The following ASIC2 variants were observed in gnomAD, a reference collection of about 807,000 sequenced individuals.
ASIC2 encodes the protein acid-sensing ion channel 2.
In ASIC2, 25 loss-of-function variants were observed where a neutral mutation model predicts 57.3. The observed-to-expected ratio is 0.44, with a 90% CI of 0.32 to 0.61. The LOEUF (loss-of-function observed/expected upper bound fraction) is 0.61, where lower values mean the gene tolerates loss of function less well. ASIC2 is among the 20% of genes least tolerant of loss of function. The probability of loss-of-function intolerance (pLI) is 0.06; values close to 1 mark genes in which losing one functional copy is unlikely to be tolerated. For synonymous variants in ASIC2, 319 were observed against 307.5 expected (o/e 1.04, Z -0.39); for missense variants, 641 against 738.1 (o/e 0.87, Z 1.52).
chr17:33,033,012 G>A (rs1464841562), intron 3 of ASIC2, among the ~76,000 whole-genome samples: 1 of 152,086 alleles, frequency 6.6e-6, no homozygotes, highest in African/African-American at 2.4e-5. Flanking sequence ...GCTCATGCCT[G>A]TAATCCCAAC....
At chr17:33,415,267 C>G (rs541564910) in intron 1 of ASIC2, among the ~76,000 whole-genome samples, 1 of 152,148 alleles carries the variant, frequency 6.6e-6, no homozygotes, top group African/African-American at 2.4e-5. Context: ...TGTCGATGCT[C>G]GAATCTAATA....
chr17:33,813,353 G>GAAAAAAC (rs973705846), intron 1 of ASIC2, among the ~76,000 whole-genome samples: 1 of 152,002 alleles, frequency 6.6e-6, no homozygotes, highest in Non-Finnish European at 1.5e-5. Context: ...ACTCAAGGTT[G>GAAAAAAC]AAAAAACAAA....
chr17:33,342,688 G>A (rs1409226276), intron 1 of ASIC2, among the ~76,000 whole-genome samples: 1 of 152,120 alleles, frequency 6.6e-6, no homozygotes. Context: ...GCAAGATATG[G>A]AGGTCACCTT....
intron 1 of ASIC2, among the ~76,000 whole-genome samples, chr17:33,130,618 G>A (rs1202904774): frequency 6.6e-6 from 1 of 152,176 alleles, no homozygotes; most frequent in Admixed American, 6.5e-5. Context: ...AAGAGTCTGG[G>A]ATATTGGAGG....
intron 1 of ASIC2, among the ~76,000 whole-genome samples, chr17:34,051,087 G>A (rs746128244): frequency 3.9e-5 from 6 of 152,178 alleles, no homozygotes; most frequent in Non-Finnish European, 7.3e-5. Context: ...TGCAACTCTT[G>A]GGTGTAGGTT....
chr17:33,457,145 G>T (rs147864195), intron 1 of ASIC2, among the ~76,000 whole-genome samples: 32 of 152,254 alleles, frequency 2.1e-4, no homozygotes, highest in African/African-American at 6.3e-4. Context: ...ACTTAGCACA[G>T]TGCCTGGCAT....
chr17:33,890,721 C>G (rs1914940965), intron 1 of ASIC2, among the ~76,000 whole-genome samples: 1 of 152,220 alleles, frequency 6.6e-6, no homozygotes, highest in Admixed American at 6.5e-5. Flanking sequence ...TCAATTCTCA[C>G]TAAGCCCTCT....
intron 2 of ASIC2, among the ~76,000 whole-genome samples, chr17:33,093,323 G>T (rs924152818): frequency 1.3e-5 from 2 of 151,970 alleles, no homozygotes; most frequent in African/African-American, 4.8e-5. Context: ...CCTCATATTT[G>T]TCTTATTGGC....
At chr17:33,586,889 TA>T (rs1468392526) in intron 1 of ASIC2, among the ~76,000 whole-genome samples, 1 of 152,238 alleles carries the variant, frequency 6.6e-6, no homozygotes, top group African/African-American at 2.4e-5. Flanking sequence ...GAGCAGTATA[TA>T]AGCTTCAGAG....
chr17:34,053,303 G>T (rs1908638313), intron 1 of ASIC2, among the ~76,000 whole-genome samples: 1 of 152,068 alleles, frequency 6.6e-6, no homozygotes, highest in African/African-American at 2.4e-5. Context: ...CCCTCTAAGA[G>T]CTCCCTGTGC....
chr17:33,303,536 C>T (rs1163680769), intron 1 of ASIC2, among the ~76,000 whole-genome samples: 2 of 152,158 alleles, frequency 1.3e-5, no homozygotes, highest in African/African-American at 4.8e-5. Context: ...AACTACATGG[C>T]CACAAAGTAG....
At chr17:33,439,710 A>G (rs1911758501) in intron 1 of ASIC2, among the ~76,000 whole-genome samples, 1 of 152,226 alleles carries the variant, frequency 6.6e-6, no homozygotes, top group Non-Finnish European at 1.5e-5. Context: ...CCAAAGGAGA[A>G]CTGAAGACAA....
At chr17:33,494,392 C>A (rs1913860680) in intron 1 of ASIC2, among the ~76,000 whole-genome samples, 1 of 152,202 alleles carries the variant, frequency 6.6e-6, no homozygotes, top group Non-Finnish European at 1.5e-5. Flanking sequence ...GACTAATGAT[C>A]CTAGACTCTT....
intron 1 of ASIC2, among the ~76,000 whole-genome samples, chr17:33,873,217 A>C (rs1368738168): frequency 1.3e-5 from 2 of 152,314 alleles, no homozygotes; most frequent in East Asian, 3.9e-4. Context: ...TCTTTCTCCC[A>C]AGACGACAAA....
intron 1 of ASIC2, among the ~76,000 whole-genome samples, chr17:33,975,125 G>A (rs1905340194): frequency 1.3e-5 from 2 of 152,234 alleles, no homozygotes; most frequent in South Asian, 2.1e-4. Context: ...ATGAATGAAT[G>A]TATGAAATCA....
intron 1 of ASIC2, among the ~76,000 whole-genome samples, chr17:33,662,663 ATAAAT>A (rs1266154708): frequency 2.6e-5 from 3 of 114,976 alleles, no homozygotes; most frequent in African/African-American, 6.6e-5. Flanking sequence ...AAATAAATAA[ATAAAT>A]AAGTAAAATA....
chr17:33,668,972 C>A (rs1240927246), intron 1 of ASIC2, among the ~76,000 whole-genome samples: 1 of 152,202 alleles, frequency 6.6e-6, no homozygotes, highest in African/African-American at 2.4e-5. Context: ...AGGCAGCCTT[C>A]TGAACTGCAT....
At chr17:33,900,807 T>C (rs1239831006) in intron 1 of ASIC2, among the ~76,000 whole-genome samples, 1 of 152,204 alleles carries the variant, frequency 6.6e-6, no homozygotes, top group African/African-American at 2.4e-5. Context: ...TGAGCTGTGC[T>C]GTGAGCCACA....
chr17:33,525,266 G>A (rs192836061), intron 1 of ASIC2, among the ~76,000 whole-genome samples: 6 of 152,282 alleles, frequency 3.9e-5, no homozygotes, highest in East Asian at 3.9e-4. Flanking sequence ...TGAGTAGGGC[G>A]GACACGAGAG....
Sources: allele counts gnomAD v4.1 joint callset (sites outside exome capture counted in the v4.1 genomes callset), GRCh38; gene constraint gnomAD v4.1.1; transcripts MANE v1.5; gene names NCBI Gene and HGNC (gene_info 2026-07-23, HGNC 2026-07-21).